BMP7: variants seen among roughly 807,000 people sequenced by gnomAD.
The protein encoded by BMP7 is osteogenic protein 1.
BMP7 carries 12 observed loss-of-function variants against 41.2 expected under a neutral mutation model. The ratio of observed to expected loss-of-function variants is 0.29; its 90% CI spans 0.19 to 0.47. The LOEUF is 0.47. Ranked by LOEUF, BMP7 falls within the 20% of genes least tolerant of loss-of-function variation. BMP7 has a pLI of 0.99. For missense variants in BMP7, 467 were observed against 606.0 expected (o/e 0.77, Z 2.41); for synonymous variants, 248 against 250.0 (o/e 0.99, Z 0.07).
chr20:57,243,521 G>A (rs2066078065), intron 1 of BMP7, among the ~76,000 whole-genome samples: 1 of 152,114 alleles, frequency 6.6e-6, no homozygotes, highest in Non-Finnish European at 1.5e-5. Context: ...TTCCCAGTGT[G>A]AGAAATTCAG....
intron 2 of BMP7, among the ~76,000 whole-genome samples, chr20:57,223,708 A>G (rs2123112887): frequency 6.6e-6 from 1 of 152,362 alleles, no homozygotes. Flanking sequence ...AGTGTCCAGC[A>G]CAGTCATAAA....
chr20:57,256,547 T>G (rs1301217333), intron 1 of BMP7, among the ~76,000 whole-genome samples: 2 of 152,064 alleles, frequency 1.3e-5, no homozygotes, highest in Non-Finnish European at 2.9e-5. Flanking sequence ...GGTGGAAGAG[T>G]AAATTTTGGG....
At chr20:57,183,509 A>C (rs1229489483) in intron 4 of BMP7, among the ~76,000 whole-genome samples, 1 of 152,084 alleles carries the variant, frequency 6.6e-6, no homozygotes, top group Non-Finnish European at 1.5e-5. Flanking sequence ...TGTTATACGA[A>C]TGTTTTGCTA....
chr20:57,201,766 TG>T (rs916422487), intron 3 of BMP7, among the ~76,000 whole-genome samples: 1 of 152,208 alleles, frequency 6.6e-6, no homozygotes, highest in African/African-American at 2.4e-5. Flanking sequence ...CTTATCTGTT[TG>T]GGGTGGGGAA....
At chr20:57,188,479 T>C (rs537486404) in intron 3 of BMP7, among the ~76,000 whole-genome samples, 1 of 151,610 alleles carries the variant, frequency 6.6e-6, no homozygotes, top group Admixed American at 6.6e-5. Context: ...TTAAGGGATA[T>C]TTCGGAGTGA....
At chr20:57,222,725 GCAGC>G (rs1985216836) in intron 2 of BMP7, among the ~76,000 whole-genome samples, 1 of 152,100 alleles carries the variant, frequency 6.6e-6, no homozygotes, top group Admixed American at 6.5e-5. Context: ...TCCTGAGAAG[GCAGC>G]TCAAAACCAG....
In BMP7 at chr20:57,214,547, C is replaced by A. The variant is rs1467319921; in HGVS notation, c.612-11924G>T. 6.6e-6 allele frequency among the ~76,000 whole-genome samples: 1 copy of A among 152,280 alleles called. No homozygotes were observed. Among genetic ancestry groups the A allele is most frequent in the African/African-American group, 2.4e-5 (1 of 41,550 alleles). ...GTCTCCACAGCCTCCTCCCACCCAG[C>A]CCTCCTCATCTGTGCCAGTCTCCAG... On this transcript the variant is annotated intron_variant, in intron 2 of 6. Coordinates refer to ENST00000395863, the MANE Select transcript of BMP7 (RefSeq NM_001719.3). The surrounding 1 kb of genome is among the most constrained non-coding windows in gnomAD (Gnocchi z 4.0).
At position 57,171,851 on chromosome 20, in the gene BMP7, C is replaced by T. The variant is rs1167024027; in HGVS notation, c.1147-743G>A. The stretch of plus-strand genomic sequence containing the variant: ...TGCTTTTTACACATTTTATGATGGA[C>T]AATTTCAAACTCTTACACATCCATA... On this transcript the variant is annotated intron_variant, in intron 6 of 6. Transcript: ENST00000395863. This position sits in a 1 kb window ranked among gnomAD's most constrained non-coding sequence, Gnocchi z 4.5. Among the ~76,000 whole-genome samples, 1 of 152,200 alleles carries T rather than the reference C, an allele frequency of 6.6e-6. No individual in the cohort carries two copies. Among genetic ancestry groups the T allele is most frequent in the African/African-American group, 2.4e-5 (1 of 41,444 alleles).
In BMP7 at chr20:57,202,494, G is replaced by C; in HGVS notation, c.741C>G (p.Leu247=). 3.1e-6 allele frequency: 5 copies of C among 1,607,122 alleles called. No homozygotes were observed. The highest frequency in any genetic ancestry group is 4.2e-6 in the Non-Finnish European group (5 of 1,179,876). The change falls in exon 3 of 7, where the codon CTC becomes CTG. Residue 247 remains leucine (L), a synonymous_variant. Transcript: ENST00000395863. ...ACTCACCATCCAGCGTCTCCACCGAGAGCTGCAGGCCCAGGTTGTGCCGCG... is the reference window on the plus strand; with the variant it reads ...ACTCACCATCCAGCGTCTCCACCGACAGCTGCAGGCCCAGGTTGTGCCGCG... ...VNPRHNLGLQ[L]SVETLDGQSI...
intron 2 of BMP7, among the ~76,000 whole-genome samples, chr20:57,207,005 A>G (rs1165983824): frequency 1.3e-5 from 2 of 152,222 alleles, no homozygotes; most frequent in Non-Finnish European, 2.9e-5. Context: ...AACAGCCACC[A>G]ACAATTCCTT....
intron 1 of BMP7, among the ~76,000 whole-genome samples, chr20:57,260,846 C>T (rs189626716): frequency 6.6e-6 from 1 of 152,176 alleles, no homozygotes. Context: ...TGCCAACAGC[C>T]CCCCCGCTAA....
chr20:57,237,396 T>G (rs2123125825), intron 1 of BMP7, among the ~76,000 whole-genome samples: 1 of 152,340 alleles, frequency 6.6e-6, no homozygotes, highest in South Asian at 2.1e-4. Flanking sequence ...CTACAGCTCA[T>G]CTGGAAGGTT....
At chr20:57,180,313 C>T (rs978479473) in intron 4 of BMP7, among the ~76,000 whole-genome samples, 1 of 151,546 alleles carries the variant, frequency 6.6e-6, no homozygotes, top group Admixed American at 6.6e-5. Flanking sequence ...GCTTCAGCCC[C>T]CACAGCCTCC....
At chr20:57,177,427 A>T (rs1211408011) in intron 4 of BMP7, among the ~76,000 whole-genome samples, 1 of 151,952 alleles carries the variant, frequency 6.6e-6, no homozygotes, top group East Asian at 1.9e-4. Flanking sequence ...GGCTCACTGC[A>T]ACCTCTGCCT....
Position 57,262,450 on chromosome 20 carries a change from CA to C in BMP7, c.418+3254del, listed in dbSNP as rs973635847. Among the ~76,000 whole-genome samples, 17 of 152,324 alleles carry C rather than the reference CA, an allele frequency of 1.1e-4. No homozygotes were observed. In the South Asian group the frequency reaches 1.9e-3, roughly 17 times the overall value. ...TGCGGCCTTTAGTCCTCATTCCCAC[CA>C]CCTGGTTTTGTCGTAAATTCCCCTC... On this transcript the variant is annotated intron_variant, in intron 1 of 6. Coordinates refer to ENST00000395863, the MANE Select transcript of BMP7 (RefSeq NM_001719.3).
intron 1 of BMP7, among the ~76,000 whole-genome samples, chr20:57,264,669 C>T (rs2066167747): frequency 6.6e-6 from 1 of 152,186 alleles, no homozygotes; most frequent in Non-Finnish European, 1.5e-5. Flanking sequence ...GTGGTTTGCG[C>T]GCCACACGTG....
intron 2 of BMP7, among the ~76,000 whole-genome samples, chr20:57,222,931 G>A (rs988839953): frequency 4.0e-5 from 6 of 151,818 alleles, no homozygotes; most frequent in African/African-American, 1.5e-4. Flanking sequence ...GTGCCATTGA[G>A]ACTGACAATT....
intron 1 of BMP7, among the ~76,000 whole-genome samples, chr20:57,265,284 G>A (rs1290433315): frequency 4.6e-5 from 7 of 152,196 alleles, no homozygotes; most frequent in Admixed American, 4.6e-4. Context: ...CGATGCCAGA[G>A]CCAGGCAGGG....
At chr20:57,253,887 C>T (rs1465917594) in intron 1 of BMP7, among the ~76,000 whole-genome samples, 1 of 152,140 alleles carries the variant, frequency 6.6e-6, no homozygotes. Flanking sequence ...CCGAGACGTT[C>T]ACATTGCTGT....
Sources: gnomAD v4.1 joint callset for allele counts (sites outside exome capture counted in the v4.1 genomes callset) on GRCh38, gnomAD v4.1.1 for gene constraint, Gnocchi (gnomAD v3.1) non-coding constraint, MANE v1.5 for transcripts, NCBI Gene and HGNC (gene_info 2026-07-23, HGNC 2026-07-21) for gene names.